Variants in ESR2 observed in about 807,000 individuals in gnomAD.
ESR2 encodes the protein estrogen receptor beta.
ESR2 carries 36 observed loss-of-function variants against 49.6 expected under a neutral mutation model. That is an observed-to-expected ratio of 0.73 (90% CI 0.56 to 0.96). The LOEUF (loss-of-function observed/expected upper bound fraction) is 0.96. Ranked by LOEUF, ESR2 falls within the 40% of genes least tolerant of loss-of-function variation. ESR2 has a pLI of 0.00. For missense variants in ESR2, 714 were observed against 693.0 expected (o/e 1.03, Z -0.34); for synonymous variants, 320 against 266.1 (o/e 1.20, Z -1.97).
intron 7 of ESR2, among the ~76,000 whole-genome samples, chr14:64,239,369 T>TA (rs1404891375): frequency 1.3e-5 from 2 of 152,248 alleles, no homozygotes; most frequent in Admixed American, 1.3e-4. Flanking sequence ...AACTAGGGTT[T>TA]AAGCCAGTGT....
At chr14:64,254,701 T>G (rs1183794033) in intron 6 of ESR2, among the ~76,000 whole-genome samples, 1 of 151,950 alleles carries the variant, frequency 6.6e-6, no homozygotes, top group Non-Finnish European at 1.5e-5. Context: ...GAGATTGCAG[T>G]GAGCTGAGAT....
intron 3 of ESR2, among the ~76,000 whole-genome samples, chr14:64,279,038 A>C (rs891457469): frequency 6.6e-6 from 1 of 152,214 alleles, no homozygotes; most frequent in Non-Finnish European, 1.5e-5. Flanking sequence ...CTGCATGATA[A>C]AACCTTGGTC....
downstream of ESR2, chr14:64,227,695 T>C (rs1363405821): frequency 6.2e-6 from 10 of 1,602,380 alleles, no homozygotes; most frequent in Admixed American, 1.7e-5. Context: ...ATTGTGCATG[T>C]CAATTTTTGT....
intron 1 of ESR2, among the ~76,000 whole-genome samples, chr14:64,329,054 A>G (rs2077423023): frequency 6.6e-6 from 1 of 152,204 alleles, no homozygotes; most frequent in Admixed American, 6.5e-5. Context: ...TGTAGGAGAA[A>G]AATGGAAGTA....
At position 64,241,094 on chromosome 14, in the gene ESR2, C is replaced by T. The variant is rs1436914019; in HGVS notation, c.1226-5944G>A. Among the ~76,000 whole-genome samples the T allele has an allele frequency of 7.7e-5, 11 of 142,228 alleles. 1 individual carries two copies. Among genetic ancestry groups the T allele is most frequent in the South Asian group, 2.2e-4 (1 of 4,618 alleles). The allele number at this position is 142,228 out of a possible 152,430, so 93.3% of individuals were successfully genotyped here. ...CCTGGAGGCGGAGCTTGCAGTGAGC[C>T]GAGATTGCGCCACTGCACTCCCGCC... On this transcript the variant is annotated intron_variant, in intron 7 of 8. Coordinates refer to ENST00000341099, the MANE Select transcript of ESR2 (RefSeq NM_001437.3).
chr14:64,260,902 A>C (rs1464613005), intron 4 of ESR2, among the ~76,000 whole-genome samples, 154 bp from the exon 5 acceptor site: 1 of 152,194 alleles, frequency 6.6e-6, no homozygotes, highest in Non-Finnish European at 1.5e-5. Flanking sequence ...AACTTTTCAG[A>C]AACTTTTTAG....
chr14:64,292,098 C>G, intron 1 of ESR2, among the ~76,000 whole-genome samples: 1 of 152,302 alleles, frequency 6.6e-6, no homozygotes, highest in African/African-American at 2.4e-5. Flanking sequence ...GAATTTAACA[C>G]TTAGTCCAAG....
At chr14:64,240,276 G>A (rs1319420160) in intron 7 of ESR2, among the ~76,000 whole-genome samples, 1 of 151,860 alleles carries the variant, frequency 6.6e-6, no homozygotes. Context: ...ACAGCCCAAT[G>A]CTTATCTAGC....
chr14:64,261,234 T>TTC (rs200083520), intron 4 of ESR2, among the ~76,000 whole-genome samples: 2,694 of 76,676 alleles, frequency 0.035, 226 homozygotes, highest in African/African-American at 0.11. Flanking sequence ...TTATTTTTCT[T>TTC]TTTTCTTTTT....
At chr14:64,293,722 T>C (rs777419392) in intron 1 of ESR2, among the ~76,000 whole-genome samples, 5 of 152,192 alleles carry the variant, frequency 3.3e-5, no homozygotes, top group Non-Finnish European at 5.9e-5. Context: ...TTCAACTCCA[T>C]TGTCATTTCA....
At chr14:64,278,212 GT>G (rs1412149922) in intron 3 of ESR2, among the ~76,000 whole-genome samples, 2 of 152,184 alleles carry the variant, frequency 1.3e-5, no homozygotes, top group African/African-American at 4.8e-5. Flanking sequence ...CACTGAATAT[GT>G]TTTCATATAA....
chr14:64,307,862 T>G (rs929704932), intron 1 of ESR2, among the ~76,000 whole-genome samples: 1 of 152,184 alleles, frequency 6.6e-6, no homozygotes, highest in East Asian at 1.9e-4. Flanking sequence ...ATTGATCTTC[T>G]CAAAGAACCA....
rs113122222 is a variant in ESR2, at chr14:64,325,979, G to GA, written c.-91+11918dup. On this transcript the variant is annotated intron_variant, in intron 1 of 8. Transcript: ENST00000358599. ...TGGGAGGAGTCAACAATTATACACA[G>GA]ATTTTTTTTTTTTTTGCATGATGGC... Among the ~76,000 whole-genome samples, 345 of 140,684 alleles carry GA rather than the reference G, an allele frequency of 2.5e-3. 2 individuals carry two copies. Among genetic ancestry groups the GA allele is most frequent in the African/African-American group, 8.6e-3 (303 of 35,272 alleles). The allele number at this position is 140,684 out of a possible 152,430, so 92.3% of individuals were successfully genotyped here.
At chr14:64,327,493 C>T (rs2077404439) in intron 1 of ESR2, among the ~76,000 whole-genome samples, 2 of 106,434 alleles carry the variant, frequency 1.9e-5, no homozygotes, top group Non-Finnish European at 4.4e-5. Context: ...GTCAGGAGTT[C>T]GAGATCAGCC....
upstream of ESR2, chr14:64,338,339 G>A (rs2077557362): frequency 6.4e-6 from 1 of 155,054 alleles, no homozygotes; most frequent in Non-Finnish European, 1.5e-5. Context: ...ATTCAGCTGA[G>A]GAGATTCTAA....
chr14:64,252,674 A>C (rs564992278), intron 6 of ESR2, among the ~76,000 whole-genome samples: 4 of 152,124 alleles, frequency 2.6e-5, no homozygotes, highest in Non-Finnish European at 5.9e-5. Context: ...GGGAGCTGCC[A>C]AACACTTTTA....
chr14:64,307,378 A>G (rs1294323929), intron 1 of ESR2, among the ~76,000 whole-genome samples: 1 of 149,322 alleles, frequency 6.7e-6, no homozygotes, highest in East Asian at 2.0e-4. Context: ...TGCCCAGCTA[A>G]TTTTTTTTGT....
chr14:64,268,218 CAT>C (rs1706389847), intron 4 of ESR2, among the ~76,000 whole-genome samples: 1 of 152,184 alleles, frequency 6.6e-6, no homozygotes, highest in African/African-American at 2.4e-5. Context: ...GTTAAATACA[CAT>C]ATGTATACAC....
At position 64,257,269 on chromosome 14, in the gene ESR2, G is replaced by A. The variant is rs1161553557; in HGVS notation, c.1048C>T (p.His350Tyr). The A allele has an allele frequency of 1.2e-6, 2 of 1,614,128 alleles. No individual in the cohort carries two copies. The highest frequency in any genetic ancestry group is 1.7e-5 in the Admixed American group (1 of 60,026). The change falls in exon 6 of 9, where the codon CAC (histidine) becomes TAC (tyrosine). Residue 350 changes from histidine (H) to tyrosine (Y), a missense_variant. By Grantham distance (83) the His-to-Tyr change is moderately conservative (BLOSUM62 2). Transcript: ENST00000341099. ...GGAGCAAAGATGAGCTTGCCGGGGT[G>A]GTCAATTGAGCGCCACATCAGCCCC... The part of the protein sequence containing the change: ...MMGLMWRSID[H>Y]PGKLIFAPDL...
Sources: gnomAD v4.1 joint callset for allele counts (sites outside exome capture counted in the v4.1 genomes callset) on GRCh38, gnomAD v4.1.1 for gene constraint, MANE v1.5 for transcripts, NCBI Gene and HGNC (gene_info 2026-07-23, HGNC 2026-07-21) for gene names.